Variants in RHBDD1 observed in about 807,000 individuals in gnomAD.
The protein encoded by RHBDD1 is rhomboid-related protein 4.
RHBDD1 carries 38 observed loss-of-function variants against 36.3 expected under a neutral mutation model. The observed-to-expected ratio is 1.05, with a 90% CI of 0.81 to 1.37. RHBDD1 has a LOEUF of 1.37. Among genes scored for constraint, RHBDD1 ranks in the 40% most tolerant of loss-of-function variants. RHBDD1 has a pLI of 0.00. For missense variants in RHBDD1, 393 were observed against 377.6 expected, an observed-to-expected ratio of 1.04 and a Z score of -0.34; for synonymous variants, 151 against 136.5, an observed-to-expected ratio of 1.11 and a Z score of -0.74.
intron 5 of RHBDD1, among the ~76,000 whole-genome samples, chr2:226,873,302 C>G (rs1013562299): frequency 6.6e-6 from 1 of 152,218 alleles, no homozygotes; most frequent in African/African-American, 2.4e-5. Flanking sequence ...CTCAACTCAA[C>G]GTCCCTTTAG....
the RHBDD1 span, among the ~76,000 whole-genome samples, chr2:226,801,495 A>C: frequency 6.6e-6 from 1 of 152,198 alleles, no homozygotes; most frequent in Non-Finnish European, 1.5e-5. Context: ...TCCCCACCCA[A>C]GCCTGGGAGC....
chr2:226,877,237 G>A (rs1163329449), intron 5 of RHBDD1, among the ~76,000 whole-genome samples: 2 of 152,158 alleles, frequency 1.3e-5, no homozygotes, highest in Non-Finnish European at 2.9e-5. Context: ...AGTTTGAATA[G>A]ATCTTTTCCC....
At chr2:226,864,405 C>T (rs939830771) in intron 3 of RHBDD1, among the ~76,000 whole-genome samples, 199 bp from the exon 4 acceptor site, 3 of 152,124 alleles carry the variant, frequency 2.0e-5, no homozygotes, top group African/African-American at 7.2e-5. Flanking sequence ...TTTGGGATAA[C>T]ATTTCTATTC....
At chr2:226,909,993 C>T (rs1016593939) in intron 7 of RHBDD1, among the ~76,000 whole-genome samples, 3 of 152,168 alleles carry the variant, frequency 2.0e-5, no homozygotes, top group Non-Finnish European at 2.9e-5. Flanking sequence ...ACTAACCTGT[C>T]CTTGTAGCAT....
chr2:226,842,668 A>G (rs953715486), intron 3 of RHBDD1, among the ~76,000 whole-genome samples: 4 of 152,158 alleles, frequency 2.6e-5, no homozygotes, highest in South Asian at 2.1e-4. Context: ...TACCAGTACC[A>G]TGCTGTTTTC....
chr2:226,954,632 G>A (rs1575232659), intron 8 of RHBDD1, among the ~76,000 whole-genome samples: 1 of 152,124 alleles, frequency 6.6e-6, no homozygotes, highest in Non-Finnish European at 1.5e-5. Flanking sequence ...AGAAAGAGAC[G>A]GGAGAGAGGA....
chr2:226,940,586 A>T (rs953296655), intron 8 of RHBDD1, among the ~76,000 whole-genome samples: 2 of 152,088 alleles, frequency 1.3e-5, no homozygotes, highest in Admixed American at 1.3e-4. Context: ...ATATATGATT[A>T]TTATAATTCA....
At chr2:226,972,616 G>C (rs558911421) in intron 8 of RHBDD1, among the ~76,000 whole-genome samples, 4 of 152,266 alleles carry the variant, frequency 2.6e-5, no homozygotes, top group African/African-American at 9.6e-5. Flanking sequence ...GGCAGGAGCT[G>C]GAAATGGTGG....
At chr2:226,898,061 C>T (rs1342720939) in intron 5 of RHBDD1, among the ~76,000 whole-genome samples, 1 of 152,174 alleles carries the variant, frequency 6.6e-6, no homozygotes, top group Non-Finnish European at 1.5e-5. Flanking sequence ...ATCTCATTCA[C>T]CCGCAAGGGA....
chr2:226,951,643 C>G (rs1951433705), intron 8 of RHBDD1, among the ~76,000 whole-genome samples: 1 of 152,168 alleles, frequency 6.6e-6, no homozygotes, highest in Admixed American at 6.5e-5. Flanking sequence ...CAAATGTTTT[C>G]CAACCCACAG....
intron 8 of RHBDD1, among the ~76,000 whole-genome samples, chr2:226,917,748 C>T (rs1212058571): frequency 6.6e-6 from 1 of 152,006 alleles, no homozygotes; most frequent in Non-Finnish European, 1.5e-5. Flanking sequence ...CTCTTCTTTC[C>T]ATTCATGAAA....
At chr2:226,948,009 C>A (rs1310393078) in intron 8 of RHBDD1, among the ~76,000 whole-genome samples, 3 of 152,106 alleles carry the variant, frequency 2.0e-5, no homozygotes, top group African/African-American at 4.8e-5. Context: ...GTCAGTGTGG[C>A]GATTCCTCAG....
intron 8 of RHBDD1, among the ~76,000 whole-genome samples, chr2:226,965,764 G>T (rs1952577000): frequency 6.6e-6 from 1 of 151,992 alleles, no homozygotes; most frequent in Non-Finnish European, 1.5e-5. Flanking sequence ...TGACTTTTAG[G>T]GATGGCACCA....
At chr2:226,924,604 T>C (rs546222190) in intron 8 of RHBDD1, among the ~76,000 whole-genome samples, 1 of 152,288 alleles carries the variant, frequency 6.6e-6, no homozygotes, top group South Asian at 2.1e-4. Flanking sequence ...ATTGCAGTTC[T>C]TGTGACTCAG....
intron 3 of RHBDD1, among the ~76,000 whole-genome samples, chr2:226,842,968 T>C (rs897797346): frequency 3.3e-5 from 5 of 152,236 alleles, no homozygotes; most frequent in African/African-American, 1.2e-4. Flanking sequence ...TTTGTAGTTC[T>C]CCTTGAAGAG....
intron 5 of RHBDD1, among the ~76,000 whole-genome samples, chr2:226,903,282 A>G (rs1947743622): frequency 6.6e-6 from 1 of 152,186 alleles, no homozygotes; most frequent in Non-Finnish European, 1.5e-5. Context: ...TAAATGGAAA[A>G]TTCCAGAAAT....
intron 8 of RHBDD1, among the ~76,000 whole-genome samples, chr2:226,957,461 G>T (rs377301543): frequency 6.6e-6 from 1 of 151,988 alleles, no homozygotes; most frequent in Non-Finnish European, 1.5e-5. Context: ...GGCTCATGAC[G>T]CCTGCAATCT....
intron 8 of RHBDD1, among the ~76,000 whole-genome samples, chr2:226,922,602 T>G (rs1047525473): frequency 6.6e-6 from 1 of 152,154 alleles, no homozygotes; most frequent in African/African-American, 2.4e-5. Flanking sequence ...TCATTTAGTC[T>G]TTTTTCATTT....
chr2:226,957,589 A>G (rs1341971630), intron 8 of RHBDD1, among the ~76,000 whole-genome samples: 1 of 151,406 alleles, frequency 6.6e-6, no homozygotes, highest in Non-Finnish European at 1.5e-5. Flanking sequence ...AAGAAGAAGG[A>G]AAAAAAAAGT....
Sources: gnomAD v4.1 joint callset for allele counts (sites outside exome capture counted in the v4.1 genomes callset) on GRCh38, gnomAD v4.1.1 for gene constraint, MANE v1.5 for transcripts, NCBI Gene and HGNC (gene_info 2026-07-23, HGNC 2026-07-21) for gene names.